Variants in YIPF4 observed in about 807,000 individuals in gnomAD.
YIPF4 encodes the protein Yip1 domain family member 4, also known as protein YIPF4.
YIPF4 carries 18 observed loss-of-function variants against 29.4 expected under a neutral mutation model. That is an observed-to-expected ratio of 0.61 (90% CI 0.42 to 0.91). The LOEUF is 0.91. YIPF4 is among the 40% of genes least tolerant of loss of function. The pLI, the probability that YIPF4 is intolerant of heterozygous loss-of-function variation, is 0.00. For missense variants in YIPF4, 279 were observed against 282.7 expected (o/e 0.99, Z 0.09); for synonymous variants, 115 against 104.7 (o/e 1.10, Z -0.60).
intron 5 of YIPF4, among the ~76,000 whole-genome samples, chr2:32,304,210 C>T (rs1297835230): frequency 6.6e-6 from 1 of 151,708 alleles, no homozygotes; most frequent in South Asian, 2.1e-4. Context: ...AAATATGATG[C>T]GAAACTAATC....
intron 4 of YIPF4, among the ~76,000 whole-genome samples, chr2:32,299,357 C>G (rs1489614825): frequency 6.6e-6 from 1 of 152,158 alleles, no homozygotes; most frequent in Non-Finnish European, 1.5e-5. Context: ...TAATATCTGG[C>G]TGAATGGAAA....
chr2:32,288,579 G>A (rs1345543576), intron 1 of YIPF4, among the ~76,000 whole-genome samples: 2 of 152,104 alleles, frequency 1.3e-5, no homozygotes, highest in Non-Finnish European at 2.9e-5. Flanking sequence ...GAAGGCCAGG[G>A]TGGGCAGATT....
intron 1 of YIPF4, among the ~76,000 whole-genome samples, chr2:32,284,945 G>T (rs879304698): frequency 1.3e-5 from 2 of 152,080 alleles, no homozygotes; most frequent in Non-Finnish European, 2.9e-5. Flanking sequence ...AACTGGGGGA[G>T]GGAGATGAAG....
At chr2:32,297,012 C>T (rs1344922731) in intron 3 of YIPF4, among the ~76,000 whole-genome samples, 2 of 152,282 alleles carry the variant, frequency 1.3e-5, no homozygotes, top group South Asian at 2.1e-4. Context: ...CATTCTGTCT[C>T]GTTTCAACAT....
At chr2:32,290,932 G>T (rs2030882769) in intron 2 of YIPF4, 1 of 162,754 alleles carries the variant, frequency 6.1e-6, no homozygotes, top group South Asian at 2.0e-4. Flanking sequence ...AAAAAGCAGG[G>T]CTCTTAGGTA....
At chr2:32,278,911 A>G (rs2030242778) in intron 1 of YIPF4, among the ~76,000 whole-genome samples, 1 of 152,092 alleles carries the variant, frequency 6.6e-6, no homozygotes, top group Non-Finnish European at 1.5e-5. Context: ...GCACAGGAGA[A>G]TGTTTCCCTC....
intron 4 of YIPF4, among the ~76,000 whole-genome samples, chr2:32,300,581 T>G (rs2031371127): frequency 6.6e-6 from 1 of 152,182 alleles, no homozygotes. Flanking sequence ...CTTTTTACTC[T>G]GCATATGGAA....
chr2:32,295,257 A>G (rs2031134090), intron 3 of YIPF4, among the ~76,000 whole-genome samples: 1 of 152,188 alleles, frequency 6.6e-6, no homozygotes. Context: ...CTCTCATGCC[A>G]AATTTAAGGC....
chr2:32,279,425 T>C (rs1474704292), intron 1 of YIPF4, among the ~76,000 whole-genome samples: 1 of 123,394 alleles, frequency 8.1e-6, no homozygotes, highest in Non-Finnish European at 1.6e-5. Context: ...TGAGACTGAG[T>C]CTCGCTCTGT....
chr2:32,295,126 C>G (rs931031670), intron 3 of YIPF4, among the ~76,000 whole-genome samples: 1 of 152,072 alleles, frequency 6.6e-6, no homozygotes, highest in African/African-American at 2.4e-5. Flanking sequence ...ATGACCGTTA[C>G]TTTAAAAGAA....
chr2:32,290,439 T>C (rs367557994), intron 1 of YIPF4, 44 bp from the exon 2 acceptor site: 3 of 1,352,860 alleles, frequency 2.2e-6, no homozygotes, highest in Non-Finnish European at 2.9e-6. Flanking sequence ...AAGATTCACA[T>C]GTTGTGCCTT....
At position 32,299,992 on chromosome 2, in the gene YIPF4, C is replaced by T. The variant is rs988705082; in HGVS notation, c.484-1390C>T. ...TACTAAAAATACAAAAATTGCTGGG[C>T]GCGGTAGCTCACGCCTGTCATCCCA... On this transcript the variant is annotated intron_variant, in intron 4 of 5. Transcript: ENST00000238831. Among the ~76,000 whole-genome samples the T allele has an allele frequency of 2.6e-5, 4 of 152,078 alleles. No homozygotes were observed. In the East Asian group the frequency reaches 5.8e-4, roughly 22 times the overall value.
chr2:32,299,650 C>T (rs765286981), intron 4 of YIPF4, among the ~76,000 whole-genome samples: 1 of 151,496 alleles, frequency 6.6e-6, no homozygotes, highest in Non-Finnish European at 1.5e-5. Flanking sequence ...TAGGGAGACC[C>T]TATCTCTTTA....
chr2:32,282,445 GTTTTT>G (rs2030463577), intron 1 of YIPF4, among the ~76,000 whole-genome samples: 1 of 152,046 alleles, frequency 6.6e-6, no homozygotes. Flanking sequence ...GTTTTGTTTT[GTTTTT>G]GAGACGGAGT....
intron 3 of YIPF4, among the ~76,000 whole-genome samples, chr2:32,296,987 A>C (rs2031212588): frequency 6.6e-6 from 1 of 152,082 alleles, no homozygotes; most frequent in African/African-American, 2.4e-5. Flanking sequence ...AACCATTGGG[A>C]GCTCCTTCAG....
In YIPF4 at chr2:32,292,262, C is replaced by T; in HGVS notation, c.319C>T (p.Gln107Ter). Residue 107 changes from glutamine to a stop codon, truncating the protein, a stop_gained, in exon 3 of 6, where the codon CAA becomes TAA. Coordinates refer to ENST00000238831, the MANE Select transcript of YIPF4 (RefSeq NM_032312.4). LOFTEE classifies it high-confidence loss of function. ...MPMPSLGFNR[Q>*]VVRDNPDFWG... The stretch of plus-strand genomic sequence containing the variant: ...AATGCCATCACTTGGTTTTAATAGA[C>T]AAGTGGTGAGAGACAATCCTGACTT... 6.2e-7 allele frequency: 1 copy of T among 1,605,728 alleles called. No individual in the cohort carries two copies. Among genetic ancestry groups the T allele is most frequent in the Non-Finnish European group, 8.5e-7 (1 of 1,175,418 alleles).
Position 32,314,015 on chromosome 2 carries a change from A to G in YIPF4, c.*8389A>G, listed in dbSNP as rs923418480. ...AGCCAGAAACGTGCTTTTAATACTA[A>G]AGGCCAAGATATGCAATTATACTCT... On this transcript the variant is annotated 3_prime_UTR_variant, in exon 6 of 6. Coordinates refer to ENST00000238831, the MANE Select transcript of YIPF4 (RefSeq NM_032312.4). 5 of 152,258 alleles carry G rather than the reference A, an allele frequency of 3.3e-5. No individual in the cohort carries two copies. The highest frequency in any genetic ancestry group is 1.2e-4 in the African/African-American group (5 of 41,480). The allele number at this position is 152,258 out of a possible 1,614,324, so 9.4% of individuals were successfully genotyped here.
At chr2:32,297,360 A>G (rs923175370) in intron 3 of YIPF4, among the ~76,000 whole-genome samples, 1 of 151,950 alleles carries the variant, frequency 6.6e-6, no homozygotes, top group Non-Finnish European at 1.5e-5. Flanking sequence ...ACCTCAGGTT[A>G]TCTGCCTGCC....
rs547878001 is a variant in YIPF4 at position 32,303,178 on chromosome 2, G to C, written c.597+1683G>C. 1.8e-4 allele frequency among the ~76,000 whole-genome samples: 28 copies of C among 152,262 alleles called. 1 individual carries two copies. The South Asian group carries it at 5.8e-3, about 32-fold the overall frequency. ...TCAGGAGTTTGAAATCAATCAGCCT[G>C]GGCAACGTGGCGAAACTCCATCTCT... is the stretch of plus-strand genomic sequence containing the variant. On this transcript the variant is annotated intron_variant, in intron 5 of 5. Coordinates refer to ENST00000238831, the MANE Select transcript of YIPF4 (RefSeq NM_032312.4).
Sources: allele counts gnomAD v4.1 joint callset (sites outside exome capture counted in the v4.1 genomes callset), GRCh38; gene constraint gnomAD v4.1.1; transcripts MANE v1.5; gene names NCBI Gene and HGNC (gene_info 2026-07-23, HGNC 2026-07-21).